The following ITGA9 variants were observed in gnomAD, a reference collection of about 807,000 sequenced individuals.
ITGA9 encodes the protein integrin subunit alpha 9, also known as integrin alpha-9.
A neutral mutation model predicts 127.8 loss-of-function variants in ITGA9; 56 were observed. The ratio of observed to expected loss-of-function variants is 0.44; its 90% confidence interval spans 0.35 to 0.55. The LOEUF is 0.55. Among genes scored for constraint, ITGA9 ranks in the 20% least tolerant of loss-of-function variants. ITGA9 has a pLI of 0.00. For missense variants in ITGA9, 1,196 were observed against 1,347.1 expected (o/e 0.89, Z 1.76); for synonymous variants, 508 against 514.5 (o/e 0.99, Z 0.17).
At chr3:37,723,284 G>C (rs1701211344) in intron 18 of ITGA9, among the ~76,000 whole-genome samples, 2 of 151,898 alleles carry the variant, frequency 1.3e-5, no homozygotes, top group African/African-American at 4.8e-5. Flanking sequence ...GGTGTCCTTT[G>C]AAACACATGA....
intron 17 of ITGA9, among the ~76,000 whole-genome samples, chr3:37,661,608 A>T (rs1700537983): frequency 6.6e-6 from 1 of 152,240 alleles, no homozygotes; most frequent in African/African-American, 2.4e-5. Context: ...TGGCAAAGGC[A>T]TAGTGGCTCC....
chr3:37,791,658 C>T (rs529640858), intron 26 of ITGA9, among the ~76,000 whole-genome samples: 7 of 152,316 alleles, frequency 4.6e-5, no homozygotes, highest in African/African-American at 1.4e-4. Context: ...GTGATACCAG[C>T]ATGAAGCTCC....
intron 15 of ITGA9, among the ~76,000 whole-genome samples, chr3:37,627,651 G>A (rs1315110837): frequency 6.6e-6 from 1 of 152,062 alleles, no homozygotes; most frequent in Admixed American, 6.6e-5. Flanking sequence ...CCAGTCCTAG[G>A]GAACTGAGGT....
intron 16 of ITGA9, among the ~76,000 whole-genome samples, chr3:37,648,651 A>T (rs1244292059): frequency 6.6e-6 from 1 of 151,984 alleles, no homozygotes; most frequent in African/African-American, 2.4e-5. Context: ...AATAAAATTT[A>T]AAAACCCTAC....
chr3:37,576,289 C>CAACACGCGTAA lies in ITGA9; in HGVS notation c.1689+33704_1689+33705insAACACGCGTAA, dbSNP rs538857606. Among the ~76,000 whole-genome samples, 458 of 152,300 alleles carry CAACACGCGTAA rather than the reference C, an allele frequency of 3.0e-3. 2 individuals are homozygous for CAACACGCGTAA. The highest frequency in any genetic ancestry group is 5.3e-3 in the Non-Finnish European group (358 of 68,040). On this transcript the variant is annotated intron_variant, in intron 15 of 27. Coordinates refer to ENST00000264741, the MANE Select transcript of ITGA9 (RefSeq NM_002207.3). Reference sequence around the variant, plus strand: ...TGAATTTGGCCTTGGCTTGGAGCAGCCTTTTAACAGAAACACGCGTAACTT... The same window carrying CAACACGCGTAA: ...TGAATTTGGCCTTGGCTTGGAGCAGCAACACGCGTAACTTTTAACAGAAACACGCGTAACTT...
intron 27 of ITGA9, among the ~76,000 whole-genome samples, chr3:37,812,056 A>G (rs1195804174): frequency 6.6e-6 from 1 of 152,228 alleles, no homozygotes; most frequent in East Asian, 1.9e-4. Context: ...CTTCCCTTCA[A>G]ACTGGGCTGG....
At chr3:37,532,858 A>G (rs1699169887) in intron 13 of ITGA9, among the ~76,000 whole-genome samples, 4 of 152,208 alleles carry the variant, frequency 2.6e-5, no homozygotes. Flanking sequence ...GCATGGGGCT[A>G]CAACATTGCA....
At chr3:37,471,401 A>G (rs1698429998) in intron 2 of ITGA9, among the ~76,000 whole-genome samples, 1 of 152,238 alleles carries the variant, frequency 6.6e-6, no homozygotes, top group African/African-American at 2.4e-5. Flanking sequence ...TGAGAGAGAA[A>G]AGACCAGAGG....
At chr3:37,567,215 G>C (rs933647327) in intron 15 of ITGA9, among the ~76,000 whole-genome samples, 10 of 152,178 alleles carry the variant, frequency 6.6e-5, no homozygotes, top group Non-Finnish European at 1.0e-4. Flanking sequence ...ATGGTGGCAG[G>C]CAAAGAGAGA....
intron 17 of ITGA9, among the ~76,000 whole-genome samples, chr3:37,656,985 G>C (rs147118908): frequency 0.043 from 6,574 of 152,080 alleles, 167 homozygotes; most frequent in African/African-American, 0.052. Context: ...TTATGTGATG[G>C]ATTATGTTTA....
intron 26 of ITGA9, among the ~76,000 whole-genome samples, chr3:37,803,248 T>G (rs6783789): frequency 0.061 from 9,220 of 152,300 alleles, 572 homozygotes; most frequent in African/African-American, 0.16. Context: ...TTCAGTACAC[T>G]TTTGTTCACT....
rs774868434 is a variant in ITGA9 at position 37,818,935 on chromosome 3, G to A, written c.3054G>A (p.Glu1018=). The part of the protein sequence containing the change: ...RRRYKEIIEA[E]KNRKENEDSW... ...GGTACAAAGAAATTATCGAAGCTGA[G>A]AAGAACCGGAAAGAGAATGAAGACA... is the stretch of plus-strand genomic sequence containing the variant. Residue 1018 remains glutamate, a synonymous_variant, in exon 28 of 28, where the codon GAG becomes GAA. Coordinates refer to ENST00000264741, the MANE Select transcript of ITGA9 (RefSeq NM_002207.3). The A allele has an allele frequency of 1.9e-6, 3 of 1,614,198 alleles. No individual in the cohort carries two copies. In the South Asian group the frequency reaches 3.3e-5, roughly 18 times the overall value.
At chr3:37,743,849 T>A in intron 21 of ITGA9, 77 bp from the exon 22 acceptor site, 1 of 983,464 alleles carries the variant, frequency 1.0e-6, no homozygotes, top group Non-Finnish European at 1.7e-6. Context: ...AGACAAATGT[T>A]TGCTTCTCAG....
At chr3:37,538,429 C>T (rs1286976039) in intron 14 of ITGA9, among the ~76,000 whole-genome samples, 2 of 152,172 alleles carry the variant, frequency 1.3e-5, no homozygotes, top group East Asian at 1.9e-4. Flanking sequence ...TGACATCATT[C>T]GACATGGCAG....
At chr3:37,748,959 A>G in intron 22 of ITGA9, 1 of 623,056 alleles carries the variant, frequency 1.6e-6, no homozygotes, top group Non-Finnish European at 2.9e-6. Flanking sequence ...AAGAAAAAAG[A>G]AAAATCCTTA....
chr3:37,486,309 T>C (rs1371392697), intron 4 of ITGA9, among the ~76,000 whole-genome samples: 3 of 152,244 alleles, frequency 2.0e-5, no homozygotes, highest in Non-Finnish European at 4.4e-5. Context: ...ATGTTAGACC[T>C]AAATTGTGGA....
chr3:37,738,560 G>T (rs1696393750), intron 20 of ITGA9, among the ~76,000 whole-genome samples: 1 of 152,196 alleles, frequency 6.6e-6, no homozygotes, highest in Admixed American at 6.5e-5. Flanking sequence ...TTTGAAAAGG[G>T]GAGTGGCACA....
Position 37,503,291 on chromosome 3 carries a change from G to A in ITGA9, c.726G>A (p.Arg242=). 6.2e-7 allele frequency: 1 copy of A among 1,614,116 alleles called. No homozygotes were observed. The highest frequency in any genetic ancestry group is 8.5e-7 in the Non-Finnish European group (1 of 1,179,982). ...LKLNDEVIMN[R]RYTYLGYAVT... is the part of the protein sequence containing the mutation. The stretch of plus-strand genomic sequence containing the variant: ...TGAACGACGAAGTGATCATGAACAG[G>A]CGGTACACCTACCTGGGTGAGTACT... Residue 242 remains arginine (R), a synonymous_variant, in exon 6 of 28, where the codon AGG becomes AGA. Coordinates refer to ENST00000264741, the MANE Select transcript of ITGA9 (RefSeq NM_002207.3).
intron 23 of ITGA9, among the ~76,000 whole-genome samples, chr3:37,767,742 CAG>C (rs1168312782): frequency 1.3e-5 from 2 of 152,130 alleles, no homozygotes; most frequent in African/African-American, 2.4e-5. Flanking sequence ...ACTAGCTACA[CAG>C]AGGGGTAAAT....
Sources: allele counts gnomAD v4.1 joint callset (sites outside exome capture counted in the v4.1 genomes callset), GRCh38; gene constraint gnomAD v4.1.1; transcripts MANE v1.5; gene names NCBI Gene and HGNC (gene_info 2026-07-23, HGNC 2026-07-21).